Variants in CTNNA2 observed in about 807,000 individuals in gnomAD.
CTNNA2 encodes the protein catenin alpha 2.
CTNNA2 carries 42 observed loss-of-function variants against 101.0 expected under a neutral mutation model. That is an observed-to-expected ratio of 0.42 (90% CI 0.32 to 0.54). The LOEUF is 0.54. Ranked by LOEUF, CTNNA2 falls within the 20% of genes least tolerant of loss-of-function variation. The probability of loss-of-function intolerance (pLI) is 0.14; values close to 1 mark genes in which losing one functional copy is unlikely to be tolerated. For synonymous variants in CTNNA2, 450 were observed against 456.4 expected (o/e 0.99, Z 0.18); for missense variants, 871 against 1,223.1 (o/e 0.71, Z 4.29).
chr2:80,402,802 AT>A (rs1322127191), intron 8 of CTNNA2, among the ~76,000 whole-genome samples: 1 of 147,922 alleles, frequency 6.8e-6, no homozygotes, highest in East Asian at 1.9e-4. Context: ...TAAATTATAT[AT>A]TTATATAATT....
At chr2:79,409,047 C>T in intron 4 of CTNNA2, among the ~76,000 whole-genome samples, 1 of 152,078 alleles carries the variant, frequency 6.6e-6, no homozygotes, top group East Asian at 1.9e-4. Flanking sequence ...CTCTGATGGT[C>T]AGTGATGGTG....
intron 7 of CTNNA2, among the ~76,000 whole-genome samples, chr2:80,291,234 G>A (rs1342842032): frequency 6.6e-6 from 1 of 152,230 alleles, no homozygotes; most frequent in Non-Finnish European, 1.5e-5. Context: ...GTTGATAAGC[G>A]ATAGCAAAGG....
chr2:80,328,405 A>G (rs1671017814), intron 7 of CTNNA2: 1 of 470,874 alleles, frequency 2.1e-6, no homozygotes, highest in Non-Finnish European at 4.4e-6. Context: ...GGGAATGGCT[A>G]GGCTGAGGGG....
rs78402089 is a variant in CTNNA2, at chr2:80,195,996, A to G, written c.1057-197215A>G. Among the ~76,000 whole-genome samples the G allele has an allele frequency of 8.1e-3, 1,229 of 152,290 alleles. 8 individuals carry two copies. The highest frequency in any genetic ancestry group is 0.028 in the African/African-American group (1,144 of 41,560). The stretch of plus-strand genomic sequence containing the variant: ...CCTGAGACAGTGGATTTGCATCACT[A>G]TCAAACAGTAAATGAAAAATACCAT... On this transcript the variant is annotated intron_variant, in intron 7 of 18. Transcript: ENST00000402739.
Position 79,903,682 on chromosome 2 carries a change from A to G in CTNNA2, c.853-5912A>G, listed in dbSNP as rs529310601. On this transcript the variant is annotated intron_variant, in intron 6 of 18. Coordinates refer to ENST00000402739, the MANE Select transcript of CTNNA2 (RefSeq NM_001282597.3). ...CTTTTAGACTGCTATGGGGACAAAC[A>G]CCTTTGAAAGGAGAGCAGGAAAGAA... Among the ~76,000 whole-genome samples, 5 of 152,262 alleles carry G rather than the reference A, an allele frequency of 3.3e-5. No individual in the cohort carries two copies. The South Asian group carries it at 6.2e-4, about 19-fold the overall frequency.
intron 12 of CTNNA2, among the ~76,000 whole-genome samples, chr2:80,560,264 A>G (rs887579453): frequency 2.0e-5 from 3 of 152,084 alleles, no homozygotes; most frequent in African/African-American, 7.2e-5. Flanking sequence ...TTTTGCTTAG[A>G]AAGTATAAAA....
chr2:79,739,884 A>G (rs911667245), intron 2 of CTNNA2, among the ~76,000 whole-genome samples: 6 of 152,208 alleles, frequency 3.9e-5, no homozygotes, highest in African/African-American at 1.4e-4. Context: ...TCTGATACTC[A>G]CTAACTGACT....
intron 6 of CTNNA2, among the ~76,000 whole-genome samples, chr2:79,908,610 C>T (rs1227581089): frequency 6.6e-6 from 1 of 152,216 alleles, no homozygotes; most frequent in East Asian, 1.9e-4. Flanking sequence ...TACCATCACG[C>T]TCTACCCTCC....
chr2:79,249,010 A>T (rs893448519), intron 2 of CTNNA2, among the ~76,000 whole-genome samples: 2 of 152,114 alleles, frequency 1.3e-5, no homozygotes, highest in African/African-American at 4.8e-5. Context: ...TCTAATGTGG[A>T]CCTGTTAATT....
chr2:80,223,485 G>A (rs967219443), intron 7 of CTNNA2, among the ~76,000 whole-genome samples: 10 of 152,164 alleles, frequency 6.6e-5, no homozygotes, highest in African/African-American at 2.4e-4. Context: ...TGTTGGTCAG[G>A]CTGGTCTCAA....
At chr2:80,550,757 A>G (rs947368015) in intron 11 of CTNNA2, among the ~76,000 whole-genome samples, 5 of 152,144 alleles carry the variant, frequency 3.3e-5, no homozygotes, top group African/African-American at 1.2e-4. Flanking sequence ...TATTTCCACT[A>G]GATAAGCACT....
chr2:79,306,004 C>G (rs528715977), intron 2 of CTNNA2, among the ~76,000 whole-genome samples: 98 of 149,802 alleles, frequency 6.5e-4, no homozygotes, highest in African/African-American at 2.4e-3. Context: ...TGAGATCGCA[C>G]CACTGCACTC....
At chr2:79,362,585 C>A (rs1272024340) in intron 3 of CTNNA2, among the ~76,000 whole-genome samples, 3 of 152,154 alleles carry the variant, frequency 2.0e-5, no homozygotes, top group Non-Finnish European at 4.4e-5. Flanking sequence ...GTGCTGCTCT[C>A]CAAATGTTCC....
chr2:80,500,644 G>A (rs938320102), intron 9 of CTNNA2, among the ~76,000 whole-genome samples: 2 of 152,058 alleles, frequency 1.3e-5, no homozygotes, highest in African/African-American at 4.8e-5. Flanking sequence ...ACAGCTTTTT[G>A]CAATTGTGCC....
At chr2:79,983,648 G>A (rs1399145992) in intron 7 of CTNNA2, among the ~76,000 whole-genome samples, 1 of 152,144 alleles carries the variant, frequency 6.6e-6, no homozygotes, top group Non-Finnish European at 1.5e-5. Context: ...ACAGGTAGGA[G>A]GAGAGTGCTG....
chr2:79,924,284 A>C (rs1686874648), intron 7 of CTNNA2, among the ~76,000 whole-genome samples: 1 of 152,004 alleles, frequency 6.6e-6, no homozygotes, highest in South Asian at 2.1e-4. Flanking sequence ...TCAAATTTCT[A>C]CATCTTTGGG....
intron 3 of CTNNA2, among the ~76,000 whole-genome samples, chr2:79,840,262 A>G (rs972728707): frequency 2.7e-4 from 41 of 152,190 alleles, no homozygotes; most frequent in Admixed American, 2.6e-3. Flanking sequence ...TAGCACTTTA[A>G]GAATATAAAT....
chr2:79,580,092 T>C (rs1346543416), intron 1 of CTNNA2, among the ~76,000 whole-genome samples: 2 of 152,166 alleles, frequency 1.3e-5, no homozygotes, highest in Non-Finnish European at 2.9e-5. Context: ...GTGTCCATTG[T>C]AGCAACCCCA....
At chr2:79,708,070 A>G (rs999722945) in intron 2 of CTNNA2, among the ~76,000 whole-genome samples, 2 of 152,216 alleles carry the variant, frequency 1.3e-5, no homozygotes, top group South Asian at 2.1e-4. Flanking sequence ...GTAATAAAAC[A>G]TTCTAAAAAT....
Sources: allele counts gnomAD v4.1 joint callset (sites outside exome capture counted in the v4.1 genomes callset), GRCh38; gene constraint gnomAD v4.1.1; transcripts MANE v1.5; gene names NCBI Gene and HGNC (gene_info 2026-07-23, HGNC 2026-07-21).